The following RPGRIP1 variants were observed in gnomAD, a reference collection of about 807,000 sequenced individuals.
The protein encoded by RPGRIP1 is X-linked retinitis pigmentosa GTPase regulator-interacting protein 1.
In RPGRIP1, 128 loss-of-function variants were observed where a neutral mutation model predicts 157.9. The ratio of observed to expected loss-of-function variants is 0.81; its 90% confidence interval spans 0.70 to 0.94. The LOEUF is 0.94. Among genes scored for constraint, RPGRIP1 ranks in the 40% least tolerant of loss-of-function variants. RPGRIP1 has a pLI of 0.00. For missense variants in RPGRIP1, 1,486 were observed against 1,545.8 expected (o/e 0.96, Z 0.65); for synonymous variants, 554 against 571.6 (o/e 0.97, Z 0.44).
rs534675652 is a variant in RPGRIP1, at chr14:21,338,152, G to A, written c.3339+3447G>A. 2.2e-3 allele frequency among the ~76,000 whole-genome samples: 341 copies of A among 152,072 alleles called. 1 individual carries two copies. Among genetic ancestry groups the A allele is most frequent in the African/African-American group, 7.7e-3 (318 of 41,494 alleles). ...AGGATGGTCTCAATCTCCTGACCTC[G>A]TGATCTGCCCGCCTCGGCCTCCCAA... is the stretch of plus-strand genomic sequence containing the variant. On this transcript the variant is annotated intron_variant, in intron 21 of 24. Coordinates refer to ENST00000400017, the MANE Select transcript of RPGRIP1 (RefSeq NM_020366.4).
intron 6 of RPGRIP1, among the ~76,000 whole-genome samples, chr14:21,306,535 T>G (rs1881314928): frequency 6.6e-6 from 1 of 151,638 alleles, no homozygotes; most frequent in South Asian, 2.1e-4. Context: ...CTCAGCTCAC[T>G]GTAATCTCCA....
intron 1 of RPGRIP1, among the ~76,000 whole-genome samples, chr14:21,282,783 G>A (rs1171850480): frequency 1.3e-5 from 2 of 151,422 alleles, no homozygotes; most frequent in Non-Finnish European, 2.9e-5. Context: ...CTAATTTTTT[G>A]TATTTTGTAG....
At chr14:21,292,170 G>A (rs1044452515) in intron 2 of RPGRIP1, among the ~76,000 whole-genome samples, 2 of 152,118 alleles carry the variant, frequency 1.3e-5, no homozygotes, top group African/African-American at 4.8e-5. Flanking sequence ...GATATCACAG[G>A]CATGAGCCAC....
Position 21,301,237 on chromosome 14 carries a change from G to A in RPGRIP1, c.490G>A (p.Gly164Arg). The A allele has an allele frequency of 6.3e-7, 1 of 1,583,226 alleles. No homozygotes were observed. The highest frequency in any genetic ancestry group is 1.2e-5 in the South Asian group (1 of 86,560). The change falls in exon 4 of 25, where the codon GGG becomes AGG. Residue 164 changes from glycine to arginine, a missense_variant and splice_region_variant. Physicochemically the swap from Gly to Arg is moderately radical, Grantham distance 125. Coordinates refer to ENST00000400017, the MANE Select transcript of RPGRIP1 (RefSeq NM_020366.4). ...GAPVPEKPKR[G>R]PRDRLSYTAP... ...ACCGGTGCCGGAGAAACCCAAGAGGGGTGAGATTTAAGGCTACATCCCCTA... is the reference window on the plus strand; with the variant it reads ...ACCGGTGCCGGAGAAACCCAAGAGGAGTGAGATTTAAGGCTACATCCCCTA...
intron 22 of RPGRIP1, among the ~76,000 whole-genome samples, chr14:21,344,165 A>G (rs1321488967): frequency 6.6e-6 from 1 of 151,710 alleles, no homozygotes; most frequent in Admixed American, 6.6e-5. Context: ...ATTTAAATCC[A>G]TTTAAATTGG....
rs186019619 is a variant in RPGRIP1, at chr14:21,330,125, T to C, written c.3100-124T>C. The C allele has an allele frequency of 5.1e-4, 272 of 530,500 alleles. 4 individuals carry two copies. In the East Asian group the frequency reaches 9.9e-3, roughly 19 times the overall value. The allele number at this position is 530,500 out of a possible 1,614,324, so 32.9% of individuals were successfully genotyped here. ...AGAGGGAGACTCTGTCTCAAAAAAA[T>C]AATAATAATAAAAATTAAAAAAATA... On this transcript the variant is annotated intron_variant, in intron 19 of 24. Coordinates refer to ENST00000400017, the MANE Select transcript of RPGRIP1 (RefSeq NM_020366.4).
intron 1 of RPGRIP1, among the ~76,000 whole-genome samples, chr14:21,285,802 T>C (rs1023310570): frequency 5.9e-5 from 9 of 151,786 alleles, no homozygotes; most frequent in African/African-American, 1.9e-4. Context: ...TGAAAAGCCA[T>C]TTGGAGACTT....
At chr14:21,296,951 T>TAAAAAAAAAA in intron 3 of RPGRIP1, among the ~76,000 whole-genome samples, 1 of 116,074 alleles carries the variant, frequency 8.6e-6, no homozygotes, top group African/African-American at 3.1e-5. Context: ...AGACTCCATC[T>TAAAAAAAAAA]AAAAAAAAAA....
intron 12 of RPGRIP1, 55 bp downstream of exon 12, chr14:21,320,232 A>G (rs1221181183): frequency 4.2e-6 from 6 of 1,440,316 alleles, no homozygotes; most frequent in Non-Finnish European, 5.8e-6. Context: ...TCTGGCAAAT[A>G]TCTCTAGGGA....
chr14:21,320,166 A>C lies in RPGRIP1; in HGVS notation c.1456A>C (p.Thr486Pro), dbSNP rs752788894. ...TCACCCAGCTGTATTGCAAGAGAAC[A>C]CTCAGATCGAGGTAAGAGCCTCTTT... ...ATHPAVLQEN[T>P]QIEPSEPKNQ... Residue 486 changes from threonine to proline, a missense_variant, in exon 12 of 25, where the codon ACT (threonine) becomes CCT (proline). Transcript: ENST00000400017. 1 of 1,613,770 alleles carries C rather than the reference A, an allele frequency of 6.2e-7. No homozygotes were observed. The highest frequency in any genetic ancestry group is 1.7e-5 in the Admixed American group (1 of 59,950).
intron 7 of RPGRIP1, among the ~76,000 whole-genome samples, chr14:21,308,747 AGAGGG>A (rs1241275990): frequency 6.6e-6 from 1 of 152,210 alleles, no homozygotes; most frequent in Non-Finnish European, 1.5e-5. Context: ...TCCAAAGCAG[AGAGGG>A]GAGACCTCAT....
In RPGRIP1 at chr14:21,327,029, T is replaced by C. The variant is rs182639715; in HGVS notation, c.2711-594T>C. 3.1e-3 allele frequency among the ~76,000 whole-genome samples: 469 copies of C among 152,218 alleles called. 1 individual carries two copies. The highest frequency in any genetic ancestry group is 0.011 in the African/African-American group (450 of 41,526). On this transcript the variant is annotated intron_variant, in intron 17 of 24. Transcript: ENST00000400017. Reference sequence around the variant, plus strand: ...CCATGTTTTCCTTAGGAAGTGGGGATAGCTGCAGTCAGAAACAACCATATT... The same window carrying C: ...CCATGTTTTCCTTAGGAAGTGGGGACAGCTGCAGTCAGAAACAACCATATT...
intron 21 of RPGRIP1, among the ~76,000 whole-genome samples, chr14:21,337,851 G>T (rs1377177265): frequency 6.6e-6 from 1 of 150,686 alleles, no homozygotes; most frequent in Non-Finnish European, 1.5e-5. Flanking sequence ...CGCCTCCCGG[G>T]TTCAAGCGAC....
At chr14:21,330,219 C>G in intron 19 of RPGRIP1, 30 bp from the exon 20 acceptor site, 1 of 1,483,886 alleles carries the variant, frequency 6.7e-7, no homozygotes, top group East Asian at 2.7e-5. Context: ...ATATTACCAG[C>G]TATGTAGTAT....
intron 19 of RPGRIP1, among the ~76,000 whole-genome samples, chr14:21,329,284 A>C (rs1000755201): frequency 6.6e-6 from 1 of 151,868 alleles, no homozygotes. Flanking sequence ...GTGCCACTGC[A>C]TTCCAGCCTG....
intron 21 of RPGRIP1, among the ~76,000 whole-genome samples, chr14:21,337,919 C>G (rs919452608): frequency 6.0e-5 from 9 of 151,166 alleles, no homozygotes; most frequent in African/African-American, 1.9e-4. Flanking sequence ...TCACGTCCAG[C>G]TAATTTTTTT....
intron 20 of RPGRIP1, among the ~76,000 whole-genome samples, chr14:21,332,100 G>A (rs1277237403): frequency 2.0e-5 from 3 of 151,588 alleles, no homozygotes; most frequent in Non-Finnish European, 4.4e-5. Flanking sequence ...CACTATGCCC[G>A]GCTAATATTT....
At chr14:21,342,783 A>G (rs937010290) in intron 21 of RPGRIP1, among the ~76,000 whole-genome samples, 1 of 152,104 alleles carries the variant, frequency 6.6e-6, no homozygotes, top group Non-Finnish European at 1.5e-5. Flanking sequence ...TCCTGGAGAA[A>G]TGATCCACTG....
chr14:21,349,022 G>A (rs1432846856), intron 24 of RPGRIP1, among the ~76,000 whole-genome samples: 1 of 148,402 alleles, frequency 6.7e-6, no homozygotes, highest in African/African-American at 2.5e-5. Flanking sequence ...TGGTCATTAA[G>A]TCTTATCCAT....
Sources: allele counts gnomAD v4.1 joint callset (sites outside exome capture counted in the v4.1 genomes callset), GRCh38; gene constraint gnomAD v4.1.1; transcripts MANE v1.5; gene names NCBI Gene and HGNC (gene_info 2026-07-23, HGNC 2026-07-21).